Variants in COBL observed in about 807,000 individuals in gnomAD.
The protein encoded by COBL is protein cordon-bleu.
In COBL, 51 loss-of-function variants were observed where a neutral mutation model predicts 98.8. The observed-to-expected ratio is 0.52, with a 90% CI of 0.41 to 0.65. COBL has a LOEUF of 0.65. Ranked by LOEUF, COBL falls within the 30% of genes least tolerant of loss-of-function variation. COBL has a pLI of 0.00. For synonymous variants in COBL, 634 were observed against 651.7 expected, an observed-to-expected ratio of 0.97 and a Z score of 0.41; for missense variants, 1,617 against 1,617.5, an observed-to-expected ratio of 1.00 and a Z score of 0.01.
At chr7:51,241,870 G>A (rs1795824965) in intron 1 of COBL, among the ~76,000 whole-genome samples, 1 of 152,170 alleles carries the variant, frequency 6.6e-6, no homozygotes, top group Non-Finnish European at 1.5e-5. Context: ...GATAACACAG[G>A]TGAGGCAGGA....
intron 8 of COBL, chr7:51,035,322 A>T (rs1280234708): frequency 1.3e-5 from 2 of 151,952 alleles, no homozygotes; most frequent in Admixed American, 1.3e-4. Context: ...ACATGAGGTC[A>T]CTTTTTCTTT....
intron 6 of COBL, among the ~76,000 whole-genome samples, chr7:51,132,208 T>G (rs939196523): frequency 6.6e-6 from 1 of 152,240 alleles, no homozygotes; most frequent in African/African-American, 2.4e-5. Context: ...CAGCCCTCCC[T>G]GCTTTAGGCA....
intron 1 of COBL, among the ~76,000 whole-genome samples, chr7:51,262,333 A>C (rs1279682828): frequency 6.6e-6 from 1 of 152,220 alleles, no homozygotes; most frequent in East Asian, 1.9e-4. Context: ...AGGAGGTGAC[A>C]GGAAAGTGAG....
chr7:51,300,547 G>C (rs537767966), intron 1 of COBL, among the ~76,000 whole-genome samples: 8 of 152,254 alleles, frequency 5.3e-5, no homozygotes, highest in Non-Finnish European at 8.8e-5. Flanking sequence ...TGGTGTGTTA[G>C]AAGGAGCCAT....
chr7:51,107,663 T>C (rs181027930), intron 6 of COBL, among the ~76,000 whole-genome samples: 2 of 152,266 alleles, frequency 1.3e-5, no homozygotes, highest in African/African-American at 2.4e-5. Context: ...CAATCACCAG[T>C]ACCAACATAC....
chr7:51,229,855 G>A (rs1035162803), intron 1 of COBL, among the ~76,000 whole-genome samples: 4 of 152,130 alleles, frequency 2.6e-5, no homozygotes, highest in African/African-American at 9.7e-5. Flanking sequence ...ATGTGCAGAT[G>A]GATACACCGT....
intron 5 of COBL, among the ~76,000 whole-genome samples, chr7:51,163,026 C>T (rs560995528): frequency 4.6e-5 from 7 of 152,334 alleles, no homozygotes; most frequent in Admixed American, 3.9e-4. Context: ...ATCAGTGTTA[C>T]ATTTTATCAC....
At chr7:51,050,032 G>A (rs1026477078) in intron 7 of COBL, among the ~76,000 whole-genome samples, 2 of 152,020 alleles carry the variant, frequency 1.3e-5, no homozygotes, top group African/African-American at 2.4e-5. Context: ...ATTTAATAAC[G>A]TTTTATATTA....
intron 5 of COBL, among the ~76,000 whole-genome samples, chr7:51,169,298 C>A (rs1193447777): frequency 1.3e-5 from 2 of 152,142 alleles, no homozygotes; most frequent in Admixed American, 6.6e-5. Context: ...CCAGATTGAA[C>A]CAATGTGAAT....
intron 2 of COBL, among the ~76,000 whole-genome samples, chr7:51,195,962 C>T (rs1790553924): frequency 6.6e-6 from 1 of 152,172 alleles, no homozygotes; most frequent in South Asian, 2.1e-4. Context: ...GTTTGACTTC[C>T]TCTCTTCCTA....
At chr7:51,265,319 G>A (rs2129154659) in intron 1 of COBL, among the ~76,000 whole-genome samples, 1 of 152,304 alleles carries the variant, frequency 6.6e-6, no homozygotes, top group Admixed American at 6.5e-5. Context: ...AGAACCAGAA[G>A]AACTGGGTTC....
In COBL at chr7:51,159,711, G is replaced by A. The variant is rs528880360; in HGVS notation, c.784-23380C>T. Among the ~76,000 whole-genome samples, 9 of 151,482 alleles carry A rather than the reference G, an allele frequency of 5.9e-5. No homozygotes were observed. The South Asian group carries it at 6.3e-4, about 11-fold the overall frequency. On this transcript the variant is annotated intron_variant, in intron 5 of 12. Coordinates refer to ENST00000265136, the MANE Select transcript of COBL (RefSeq NM_015198.5). ...AATCTACATTTATTTTTTTCCCTCC[G>A]AGAACTGGTACTGGCATTAGGCCCT...
intron 6 of COBL, among the ~76,000 whole-genome samples, chr7:51,099,875 C>T (rs1260130908): frequency 2.0e-5 from 3 of 152,050 alleles, no homozygotes; most frequent in Admixed American, 1.3e-4. Flanking sequence ...CTGTTAATAC[C>T]TACTTATCAC....
intron 6 of COBL, among the ~76,000 whole-genome samples, chr7:51,132,140 T>C (rs952011903): frequency 6.6e-6 from 1 of 152,246 alleles, no homozygotes; most frequent in Non-Finnish European, 1.5e-5. Context: ...AAATATAATC[T>C]GCTACTTGGT....
intron 1 of COBL, among the ~76,000 whole-genome samples, chr7:51,307,165 T>C (rs1209358413): frequency 6.6e-6 from 1 of 151,874 alleles, no homozygotes; most frequent in Non-Finnish European, 1.5e-5. Flanking sequence ...ACCAATATGG[T>C]GAAACCCCGG....
chr7:51,309,439 T>G (rs1201805829), intron 1 of COBL, among the ~76,000 whole-genome samples: 1 of 152,174 alleles, frequency 6.6e-6, no homozygotes, highest in African/African-American at 2.4e-5. Flanking sequence ...TTTAAGCCAC[T>G]GTCACTTTAT....
chr7:51,110,058 A>G (rs769162014), intron 6 of COBL, among the ~76,000 whole-genome samples: 3 of 152,228 alleles, frequency 2.0e-5, no homozygotes, highest in Non-Finnish European at 2.9e-5. Context: ...ATGTGTAATA[A>G]TCAAACCAGG....
At chr7:51,019,857 G>A (rs373074598) in intron 12 of COBL, among the ~76,000 whole-genome samples, 1 of 152,154 alleles carries the variant, frequency 6.6e-6, no homozygotes, top group Admixed American at 6.5e-5. Flanking sequence ...CTATTCCCTC[G>A]TCACAGCAAC....
At chr7:51,211,141 C>T (rs1046592083) in intron 2 of COBL, among the ~76,000 whole-genome samples, 11 of 152,346 alleles carry the variant, frequency 7.2e-5, no homozygotes, top group African/African-American at 2.4e-4. Context: ...AAGAGGCTGC[C>T]TGGCCACTCA....
Sources: allele counts gnomAD v4.1 joint callset (sites outside exome capture counted in the v4.1 genomes callset), GRCh38; gene constraint gnomAD v4.1.1; transcripts MANE v1.5; gene names NCBI Gene and HGNC (gene_info 2026-07-23, HGNC 2026-07-21).